Variants in PCDH11X observed in about 807,000 individuals in gnomAD.
PCDH11X encodes protocadherin 11 X-linked.
PCDH11X carries 18 observed loss-of-function variants against 53.3 expected under a neutral mutation model. The ratio of observed to expected loss-of-function variants is 0.34; its 90% CI spans 0.23 to 0.50. The LOEUF is 0.50. PCDH11X is among the 20% of genes least tolerant of loss of function. PCDH11X has a pLI of 0.98. For synonymous variants in PCDH11X, 279 were observed against 393.3 expected, an observed-to-expected ratio of 0.71 and a Z score of 3.44; for missense variants, 570 against 1,032.4, an observed-to-expected ratio of 0.55 and a Z score of 6.14.
rs757045963 is a variant in PCDH11X, at chrX:92,331,279, TTTCTTCTTCTTCTTC to T, written c.3145-56431_3145-56417del. On this transcript the variant is annotated intron_variant, in intron 8 of 10. Coordinates refer to ENST00000682573, the MANE Select transcript of PCDH11X (RefSeq NM_032968.5). ...TTCTTTCCACCTCCTCCTCCTCCTC[TTTCTTCTTCTTCTTC>T]TTCTTCTTCTTCTTCTTCTTCTTCC... Among the ~76,000 whole-genome samples the T allele has an allele frequency of 2.6e-3, 138 of 53,218 alleles. 2 individuals are homozygous for T. In the Admixed American group the frequency reaches 0.027, roughly 10 times the overall value. The allele number at this position is 53,218 out of a possible 115,157, so 46.2% of individuals were successfully genotyped here.
chrX:92,177,122 C>T (rs1483646030), intron 6 of PCDH11X, among the ~76,000 whole-genome samples: 1 of 108,759 alleles, frequency 9.2e-6, no homozygotes, highest in Non-Finnish European at 1.9e-5. Flanking sequence ...ATTATATAAG[C>T]ATGCACCACC....
intron 8 of PCDH11X, among the ~76,000 whole-genome samples, chrX:92,279,591 G>T (rs2068201417): frequency 8.9e-6 from 1 of 112,387 alleles, no homozygotes; most frequent in African/African-American, 3.2e-5. Context: ...TATTATCTTT[G>T]TAATACTTAT....
chrX:92,604,051 CAAT>C (rs762758991), intron 10 of PCDH11X, among the ~76,000 whole-genome samples: 1 of 106,261 alleles, frequency 9.4e-6, no homozygotes, highest in South Asian at 4.0e-4. Flanking sequence ...AATTCATATA[CAAT>C]AATAATACAT....
chrX:92,275,039 C>T (rs188660479), intron 8 of PCDH11X, among the ~76,000 whole-genome samples: 5,192 of 105,035 alleles, frequency 0.049, 324 homozygotes, highest in East Asian at 0.23. Flanking sequence ...AAAGTATATG[C>T]GTCAGTTATG....
At chrX:91,821,623 G>C (rs1316810454) in intron 4 of PCDH11X, among the ~76,000 whole-genome samples, 1 of 105,404 alleles carries the variant, frequency 9.5e-6, no homozygotes, top group Non-Finnish European at 1.9e-5. Context: ...CTGCAAACAG[G>C]GACAATTTGA....
At chrX:92,384,613 A>G in intron 8 of PCDH11X, among the ~76,000 whole-genome samples, 1 of 91,721 alleles carries the variant, frequency 1.1e-5, no homozygotes. Flanking sequence ...AGGAGTGCTG[A>G]TTGGTCAGTG....
intron 5 of PCDH11X, among the ~76,000 whole-genome samples, chrX:91,841,109 G>A (rs774609764): frequency 1.8e-3 from 202 of 110,518 alleles, no homozygotes; most frequent in African/African-American, 6.5e-3. Flanking sequence ...TATTATCAAA[G>A]TACACTTCCA....
At chrX:91,918,733 T>C (rs1030857017) in intron 6 of PCDH11X, among the ~76,000 whole-genome samples, 2 of 111,845 alleles carry the variant, frequency 1.8e-5, no homozygotes, top group Admixed American at 1.9e-4. Context: ...TCAGGGAATT[T>C]TTGTTTTATT....
At chrX:92,075,914 A>G (rs1259649086) in intron 6 of PCDH11X, among the ~76,000 whole-genome samples, 3 of 110,577 alleles carry the variant, frequency 2.7e-5, no homozygotes, top group Admixed American at 1.9e-4. Context: ...ACTTCAGACC[A>G]TAACTTGTTT....
At chrX:91,823,949 G>T (rs1936802846) in intron 4 of PCDH11X, among the ~76,000 whole-genome samples, 1 of 110,228 alleles carries the variant, frequency 9.1e-6, no homozygotes, top group Non-Finnish European at 1.9e-5. Context: ...AGTTTGGCTG[G>T]ATATGAAATT....
intron 6 of PCDH11X, among the ~76,000 whole-genome samples, chrX:92,017,161 A>G (rs2062808629): frequency 9.5e-6 from 1 of 105,225 alleles, no homozygotes; most frequent in Non-Finnish European, 1.9e-5. Flanking sequence ...TTATAATAGT[A>G]ACATCTATAG....
At chrX:92,564,697 C>T (rs1392916457) in intron 10 of PCDH11X, among the ~76,000 whole-genome samples, 3 of 111,795 alleles carry the variant, frequency 2.7e-5, no homozygotes, top group African/African-American at 9.7e-5. Context: ...CTCTCCAAGA[C>T]ATTGATCTGT....
At chrX:92,153,349 C>A (rs772847723) in intron 6 of PCDH11X, among the ~76,000 whole-genome samples, 6 of 110,867 alleles carry the variant, frequency 5.4e-5, no homozygotes, top group Admixed American at 2.9e-4. Context: ...CACACACACA[C>A]ACACACACAC....
chrX:92,437,792 C>A (rs966319228), intron 9 of PCDH11X, among the ~76,000 whole-genome samples: 1 of 109,929 alleles, frequency 9.1e-6, no homozygotes, highest in Non-Finnish European at 1.9e-5. Flanking sequence ...GATAATTAGT[C>A]TGAATGAACC....
intron 6 of PCDH11X, among the ~76,000 whole-genome samples, chrX:92,091,060 C>T (rs2064039595): frequency 8.9e-6 from 1 of 111,825 alleles, no homozygotes; most frequent in African/African-American, 3.3e-5. Flanking sequence ...ATACATAATT[C>T]ATGAACCACT....
intron 6 of PCDH11X, among the ~76,000 whole-genome samples, chrX:92,047,650 TTTG>T (rs1406009156): frequency 9.0e-6 from 1 of 111,149 alleles, no homozygotes; most frequent in South Asian, 3.8e-4. Flanking sequence ...TTTTCTATTT[TTTG>T]TTGTTGTTGT....
At chrX:92,514,107 G>A (rs751146918) in intron 10 of PCDH11X, among the ~76,000 whole-genome samples, 4 of 111,640 alleles carry the variant, frequency 3.6e-5, no homozygotes, top group Admixed American at 9.5e-5. Context: ...TTGTTTATCC[G>A]CTCATCAGTT....
At chrX:92,392,415 C>G (rs1251444453) in intron 9 of PCDH11X, among the ~76,000 whole-genome samples, 3 of 110,148 alleles carry the variant, frequency 2.7e-5, no homozygotes, top group Non-Finnish European at 5.7e-5. Context: ...CTAATTAATT[C>G]ACAACAAGGA....
chrX:92,139,930 A>G (rs997505966), intron 6 of PCDH11X, among the ~76,000 whole-genome samples: 40 of 109,130 alleles, frequency 3.7e-4, no homozygotes, highest in Non-Finnish European at 6.3e-4. Context: ...TTATAGAATC[A>G]CTTCTAAGAA....
Sources: gnomAD v4.1 joint callset for allele counts (sites outside exome capture counted in the v4.1 genomes callset) on GRCh38, gnomAD v4.1.1 for gene constraint, MANE v1.5 for transcripts, NCBI Gene and HGNC (gene_info 2026-07-23, HGNC 2026-07-21) for gene names.